ZFPM2: variants seen among roughly 807,000 people sequenced by gnomAD.
The protein encoded by ZFPM2 is zinc finger protein, FOG family member 2, also known as zinc finger protein ZFPM2.
In ZFPM2, 20 loss-of-function variants were observed where a neutral mutation model predicts 98.6. The ratio of observed to expected loss-of-function variants is 0.20; its 90% confidence interval spans 0.14 to 0.29. The LOEUF is 0.29. ZFPM2 is among the 10% of genes least tolerant of loss of function. The probability of loss-of-function intolerance (pLI) is 1.00; values close to 1 mark genes in which losing one functional copy is unlikely to be tolerated. For missense variants in ZFPM2, 1,310 were observed against 1,388.6 expected (o/e 0.94, Z 0.90); for synonymous variants, 518 against 502.7 (o/e 1.03, Z -0.41).
intron 4 of ZFPM2, among the ~76,000 whole-genome samples, chr8:105,608,585 T>TG (rs1816243863): frequency 2.0e-5 from 3 of 150,218 alleles, no homozygotes; most frequent in African/African-American, 7.3e-5. Context: ...CAAGAGTTTT[T>TG]TTTTTTTTTT....
chr8:105,497,110 C>G (rs1469415435), intron 3 of ZFPM2, among the ~76,000 whole-genome samples: 3 of 151,906 alleles, frequency 2.0e-5, no homozygotes, highest in Admixed American at 6.6e-5. Flanking sequence ...CTCAGCCTCC[C>G]TAGTAGCTGG....
At chr8:105,569,134 GGATAAGAGCACT>G (rs2130716234) in intron 4 of ZFPM2, among the ~76,000 whole-genome samples, 2 of 152,210 alleles carry the variant, frequency 1.3e-5, no homozygotes, top group African/African-American at 4.8e-5. Context: ...AGGTTTACTA[GGATAAGAGCACT>G]GATCACATAA....
chr8:105,411,458 A>G (rs1253273323), intron 1 of ZFPM2, among the ~76,000 whole-genome samples: 7 of 151,864 alleles, frequency 4.6e-5, no homozygotes, highest in African/African-American at 1.2e-4. Flanking sequence ...CATGTTTAGC[A>G]TCCTCAGTAA....
intron 1 of ZFPM2, among the ~76,000 whole-genome samples, chr8:105,343,394 G>A (rs769293736): frequency 7.2e-5 from 11 of 152,082 alleles, no homozygotes; most frequent in Non-Finnish European, 1.5e-4. Flanking sequence ...TGAACCCCCA[G>A]GATAACAGTC....
intron 3 of ZFPM2, among the ~76,000 whole-genome samples, chr8:105,469,580 C>T (rs1013058586): frequency 1.1e-4 from 17 of 152,290 alleles, no homozygotes; most frequent in African/African-American, 3.6e-4. Context: ...ATACTGGTTT[C>T]GTCACCTTCT....
At chr8:105,729,323 A>G (rs1453743205) in intron 5 of ZFPM2, among the ~76,000 whole-genome samples, 1 of 151,634 alleles carries the variant, frequency 6.6e-6, no homozygotes, top group East Asian at 2.0e-4. Context: ...AGCCTTAATT[A>G]AAGCACTCAG....
intron 5 of ZFPM2, among the ~76,000 whole-genome samples, chr8:105,712,416 A>G (rs1219344235): frequency 6.6e-6 from 1 of 152,056 alleles, no homozygotes; most frequent in African/African-American, 2.4e-5. Context: ...CCTTCATCAA[A>G]TTAACGTTGT....
intron 5 of ZFPM2, among the ~76,000 whole-genome samples, chr8:105,733,644 C>T (rs2028552): frequency 0.11 from 16,023 of 151,610 alleles, 1,103 homozygotes; most frequent in East Asian, 0.32. Context: ...AGTAAATGAA[C>T]GATAAAGGTG....
intron 3 of ZFPM2, among the ~76,000 whole-genome samples, chr8:105,496,524 T>C (rs1813470756): frequency 6.6e-6 from 1 of 152,104 alleles, no homozygotes; most frequent in Non-Finnish European, 1.5e-5. Context: ...CCTTTCCCAG[T>C]GCATCATGTC....
intron 5 of ZFPM2, among the ~76,000 whole-genome samples, chr8:105,721,558 A>G (rs1444004845): frequency 1.3e-5 from 2 of 151,992 alleles, no homozygotes. Flanking sequence ...ATTTGAAAAT[A>G]GGAAAAAGTA....
rs371103322 is a variant in ZFPM2 at position 105,802,057 on chromosome 8, A to C, written c.1975A>C (p.Asn659His). Residue 659 changes from asparagine to histidine, a missense_variant, in exon 8 of 8, where the codon AAT becomes CAT. By Grantham distance (68) the Asn-to-His change is moderately conservative (BLOSUM62 1). Transcript: ENST00000407775. ...TAAGAAGCTCTCCACCTCCAGTAAC[A>C]ATGATGACAAAATTAATGGAAAACC... Reference protein sequence around the residue: ...QTKKLSTSSNNDDKINGKPVD... With the variant: ...QTKKLSTSSNHDDKINGKPVD... 2 of 1,613,742 alleles carry C rather than the reference A, an allele frequency of 1.2e-6. No homozygotes were observed. Among genetic ancestry groups the C allele is most frequent in the Non-Finnish European group, 1.7e-6 (2 of 1,179,842 alleles).
chr8:105,748,458 G>A (rs1318902211), intron 5 of ZFPM2, among the ~76,000 whole-genome samples: 1 of 151,980 alleles, frequency 6.6e-6, no homozygotes, highest in Non-Finnish European at 1.5e-5. Context: ...CGTAAATGAA[G>A]CATGTATACA....
chr8:105,596,490 C>T (rs1815972134), intron 4 of ZFPM2, among the ~76,000 whole-genome samples: 1 of 151,970 alleles, frequency 6.6e-6, no homozygotes, highest in Admixed American at 6.6e-5. Flanking sequence ...TCTGGTATGC[C>T]ATACCTAGGG....
At chr8:105,408,567 C>G (rs533434227) in intron 1 of ZFPM2, among the ~76,000 whole-genome samples, 93 of 151,884 alleles carry the variant, frequency 6.1e-4, no homozygotes, top group African/African-American at 2.2e-3. Context: ...AAAGAGATCT[C>G]TCACAATGGA....
chr8:105,357,150 C>A (rs1812764425), intron 1 of ZFPM2, among the ~76,000 whole-genome samples: 4 of 152,146 alleles, frequency 2.6e-5, no homozygotes, highest in Admixed American at 2.6e-4. Context: ...GTCCCTGCCT[C>A]TTGCCTTTGT....
At chr8:105,771,410 C>T (rs778658137) in intron 5 of ZFPM2, among the ~76,000 whole-genome samples, 4 of 152,158 alleles carry the variant, frequency 2.6e-5, no homozygotes, top group Non-Finnish European at 5.9e-5. Flanking sequence ...GATAACAGCA[C>T]ATTTTTTCTA....
chr8:105,719,051 C>T (rs1411154287), intron 5 of ZFPM2, among the ~76,000 whole-genome samples: 1 of 151,992 alleles, frequency 6.6e-6, no homozygotes, highest in East Asian at 1.9e-4. Context: ...TACATTCTTG[C>T]CCCAAACTAC....
At chr8:105,574,069 A>G (rs1056607506) in intron 4 of ZFPM2, among the ~76,000 whole-genome samples, 9 of 152,210 alleles carry the variant, frequency 5.9e-5, no homozygotes, top group Admixed American at 5.2e-4. Flanking sequence ...TAAATGATTC[A>G]TTCCTTTAAT....
intron 3 of ZFPM2, among the ~76,000 whole-genome samples, chr8:105,446,559 G>T (rs1013395856): frequency 4.6e-5 from 7 of 152,018 alleles, no homozygotes; most frequent in African/African-American, 1.5e-4. Flanking sequence ...ACAAGGTGAA[G>T]AATTATGCTG....
Sources: gnomAD v4.1 joint callset for allele counts (sites outside exome capture counted in the v4.1 genomes callset) on GRCh38, gnomAD v4.1.1 for gene constraint, MANE v1.5 for transcripts, NCBI Gene and HGNC (gene_info 2026-07-23, HGNC 2026-07-21) for gene names.